Variants in GABRB2 observed in about 807,000 individuals in gnomAD.
The protein encoded by GABRB2 is gamma-aminobutyric acid receptor subunit beta-2.
A neutral mutation model predicts 54.7 loss-of-function variants in GABRB2; 16 were observed. The ratio of observed to expected loss-of-function variants is 0.29; its 90% CI spans 0.20 to 0.44. GABRB2 has a LOEUF of 0.44. Ranked by LOEUF, GABRB2 falls within the 20% of genes least tolerant of loss-of-function variation. The pLI is 1.00. For missense variants in GABRB2, 355 were observed against 644.0 expected (o/e 0.55, Z 4.86); for synonymous variants, 244 against 233.8 (o/e 1.04, Z -0.40).
intron 3 of GABRB2, among the ~76,000 whole-genome samples, chr5:161,463,390 T>G (rs1182805056): frequency 2.0e-5 from 3 of 150,014 alleles, no homozygotes; most frequent in Middle Eastern, 3.4e-3. Flanking sequence ...CAGAGAGAGA[T>G]ATTTCTGGAC....
intron 3 of GABRB2, among the ~76,000 whole-genome samples, chr5:161,515,839 T>C (rs2113416200): frequency 6.6e-6 from 1 of 152,192 alleles, no homozygotes; most frequent in African/African-American, 2.4e-5. Flanking sequence ...TCAACAGGTA[T>C]CAAAAACAGA....
chr5:161,489,259 C>A (rs925373137), intron 3 of GABRB2, among the ~76,000 whole-genome samples: 1 of 151,670 alleles, frequency 6.6e-6, no homozygotes, highest in East Asian at 2.0e-4. Flanking sequence ...GATAGAATGA[C>A]CCTTATATTT....
chr5:161,349,843 A>G (rs1162833616), intron 5 of GABRB2, among the ~76,000 whole-genome samples: 1 of 152,110 alleles, frequency 6.6e-6, no homozygotes, highest in East Asian at 1.9e-4. Flanking sequence ...ACGAGACCAT[A>G]GCCCCAGAAA....
chr5:161,322,208 G>A (rs543108515), intron 9 of GABRB2, among the ~76,000 whole-genome samples: 2 of 152,178 alleles, frequency 1.3e-5, no homozygotes, highest in South Asian at 2.1e-4. Context: ...TAAGCATATA[G>A]TAGGTATTCA....
chr5:161,379,154 T>G (rs1343984231), intron 5 of GABRB2, among the ~76,000 whole-genome samples: 1 of 152,206 alleles, frequency 6.6e-6, no homozygotes, highest in East Asian at 1.9e-4. Context: ...CTTAAAAAGA[T>G]GAGGTCTTCA....
chr5:161,435,548 A>G (rs753816107), intron 4 of GABRB2, among the ~76,000 whole-genome samples: 47 of 152,270 alleles, frequency 3.1e-4, no homozygotes, highest in Middle Eastern at 6.8e-3. Context: ...TACATTCCAA[A>G]TTTTCTAGGA....
intron 4 of GABRB2, among the ~76,000 whole-genome samples, chr5:161,431,580 C>T (rs1319932376): frequency 6.6e-6 from 1 of 152,108 alleles, no homozygotes; most frequent in Non-Finnish European, 1.5e-5. Context: ...TTAAATACAC[C>T]TTTTGTTTCA....
chr5:161,533,972 G>C (rs553483129), intron 3 of GABRB2, among the ~76,000 whole-genome samples: 2 of 152,140 alleles, frequency 1.3e-5, no homozygotes, highest in South Asian at 4.1e-4. Flanking sequence ...GAAGTGATAG[G>C]GATATAGATA....
chr5:161,512,707 T>G (rs185186279), intron 3 of GABRB2, among the ~76,000 whole-genome samples: 1 of 152,084 alleles, frequency 6.6e-6, no homozygotes, highest in East Asian at 1.9e-4. Context: ...AAAATAAAAA[T>G]TGACAAGTGG....
Position 161,546,682 on chromosome 5 carries a change from A to T in GABRB2, c.-39T>A. 1.9e-6 allele frequency: 3 copies of T among 1,561,364 alleles called. No homozygotes were observed. Among genetic ancestry groups the T allele is most frequent in the Non-Finnish European group, 2.6e-6 (3 of 1,151,410 alleles). On this transcript the variant is annotated 5_prime_UTR_variant, in exon 1 of 10. Coordinates refer to ENST00000393959, the MANE Select transcript of GABRB2 (RefSeq NM_001371727.1). The stretch of plus-strand genomic sequence containing the variant: ...GATGGAATTGAGGGTTTCACTGAAG[A>T]GAGGAGATCCAACTTAGTCTGCCCA...
intron 4 of GABRB2, among the ~76,000 whole-genome samples, chr5:161,435,216 G>A (rs936878359): frequency 6.6e-6 from 1 of 152,066 alleles, no homozygotes. Context: ...AGGTATCAAT[G>A]AGAACATTAA....
At chr5:161,297,675 T>A in intron 9 of GABRB2, among the ~76,000 whole-genome samples, 1 of 152,192 alleles carries the variant, frequency 6.6e-6, no homozygotes, top group Non-Finnish European at 1.5e-5. Flanking sequence ...CTTTATCAAG[T>A]CTATCATTGA....
At chr5:161,311,871 C>G (rs941114060) in intron 9 of GABRB2, among the ~76,000 whole-genome samples, 2 of 151,990 alleles carry the variant, frequency 1.3e-5, no homozygotes, top group South Asian at 2.1e-4. Context: ...ATCTTAGATC[C>G]CTTAAAGTTA....
intron 3 of GABRB2, among the ~76,000 whole-genome samples, chr5:161,474,567 C>T (rs2962415): frequency 0.99 from 151,042 of 152,064 alleles, 75,023 homozygotes; most frequent in East Asian, 1. Context: ...TGGCAATTTA[C>T]TTTTTATTAT....
At chr5:161,385,427 A>G (rs1424608455) in intron 5 of GABRB2, among the ~76,000 whole-genome samples, 1 of 152,208 alleles carries the variant, frequency 6.6e-6, no homozygotes, top group Admixed American at 6.5e-5. Flanking sequence ...AAACAGAAAC[A>G]GTCTTGGTAA....
intron 5 of GABRB2, among the ~76,000 whole-genome samples, chr5:161,410,497 C>T (rs1162532121): frequency 2.0e-5 from 3 of 151,786 alleles, no homozygotes; most frequent in African/African-American, 4.8e-5. Context: ...CTTGAAACAA[C>T]AACAGAAAAC....
At chr5:161,518,472 A>G (rs1163143355) in intron 3 of GABRB2, among the ~76,000 whole-genome samples, 1 of 152,226 alleles carries the variant, frequency 6.6e-6, no homozygotes, top group Non-Finnish European at 1.5e-5. Context: ...AATCTTCTGA[A>G]TGTCCTTGAC....
chr5:161,347,436 T>C (rs1373819926), intron 5 of GABRB2, among the ~76,000 whole-genome samples: 1 of 152,116 alleles, frequency 6.6e-6, no homozygotes, highest in Non-Finnish European at 1.5e-5. Flanking sequence ...CTCTACTTTG[T>C]AATGTGACTT....
intron 5 of GABRB2, among the ~76,000 whole-genome samples, chr5:161,393,883 C>T (rs1049179828): frequency 6.6e-6 from 1 of 152,038 alleles, no homozygotes; most frequent in Non-Finnish European, 1.5e-5. Context: ...TGAACAACCA[C>T]ATTAACCATT....
Sources: gnomAD v4.1 joint callset for allele counts (sites outside exome capture counted in the v4.1 genomes callset) on GRCh38, gnomAD v4.1.1 for gene constraint, MANE v1.5 for transcripts, NCBI Gene and HGNC (gene_info 2026-07-23, HGNC 2026-07-21) for gene names.